Variants in AMZ2 observed in about 807,000 individuals in gnomAD.
AMZ2 encodes archaemetzincin-2.
AMZ2 carries 26 observed loss-of-function variants against 36.7 expected under a neutral mutation model. The ratio of observed to expected loss-of-function variants is 0.71; its 90% confidence interval spans 0.52 to 0.98. AMZ2 has a LOEUF of 0.98. Among genes scored for constraint, AMZ2 ranks in the 50% least tolerant of loss-of-function variants. AMZ2 has a pLI of 0.00. For missense variants in AMZ2, 394 were observed against 430.5 expected (o/e 0.92, Z 0.75); for synonymous variants, 144 against 149.1 (o/e 0.97, Z 0.25).
upstream of AMZ2, chr17:68,246,768 T>C (rs2074032578): frequency 6.6e-6 from 1 of 152,152 alleles, no homozygotes; most frequent in Non-Finnish European, 1.5e-5. Flanking sequence ...AGTTGAAAGG[T>C]TCAGAGTTAA....
At chr17:68,227,764 G>A (rs555561458) in intron 1 of AMZ2, among the ~76,000 whole-genome samples, 10 of 152,308 alleles carry the variant, frequency 6.6e-5, no homozygotes, top group African/African-American at 2.2e-4. Context: ...TGCTTTGGGA[G>A]GCTGAGGTGG....
chr17:68,232,740 G>A (rs1555731593), intron 1 of AMZ2, among the ~76,000 whole-genome samples: 1 of 152,148 alleles, frequency 6.6e-6, no homozygotes, highest in African/African-American at 2.4e-5. Context: ...CTACTTGGGA[G>A]GCTGAGGCAC....
At chr17:68,216,443 C>T (rs2073196820) in intron 1 of AMZ2, among the ~76,000 whole-genome samples, 1 of 152,206 alleles carries the variant, frequency 6.6e-6, no homozygotes, top group African/African-American at 2.4e-5. Context: ...CTTGCAGGCA[C>T]TATTTTTGTC....
chr17:68,242,900 C>G (rs373097451), intron 1 of AMZ2, among the ~76,000 whole-genome samples: 2 of 151,868 alleles, frequency 1.3e-5, no homozygotes, highest in African/African-American at 4.8e-5. Context: ...AAACATTAGC[C>G]AGGTGTGATG....
chr17:68,227,452 C>A (rs1176211772), intron 1 of AMZ2, among the ~76,000 whole-genome samples: 1 of 152,208 alleles, frequency 6.6e-6, no homozygotes, highest in African/African-American at 2.4e-5. Flanking sequence ...TAGATTAAGA[C>A]AACAGAAATC....
At chr17:68,253,343 T>C (rs1265524041) in intron 4 of AMZ2, among the ~76,000 whole-genome samples, 2 of 152,190 alleles carry the variant, frequency 1.3e-5, no homozygotes, top group African/African-American at 2.4e-5. Context: ...TTTATTACTT[T>C]AAAAACTGAA....
At chr17:68,242,401 A>G (rs1241302509) in intron 1 of AMZ2, among the ~76,000 whole-genome samples, 1 of 152,090 alleles carries the variant, frequency 6.6e-6, no homozygotes, top group Non-Finnish European at 1.5e-5. Flanking sequence ...AATCAAAACC[A>G]CCAAATATCT....
intron 1 of AMZ2, among the ~76,000 whole-genome samples, chr17:68,224,903 C>T (rs1414917354): frequency 6.6e-6 from 1 of 151,670 alleles, no homozygotes. Context: ...CCAGGCTGGG[C>T]GTGGTGGCTC....
At chr17:68,248,038 G>A (rs1218280929), upstream of AMZ2, 16 of 986,356 alleles carry the variant, frequency 1.6e-5, no homozygotes, top group Non-Finnish European at 1.9e-5. Context: ...GGCGTGGCGT[G>A]GCGCAGTGCG....
At chr17:68,207,966 C>T (rs1555724820) in intron 1 of AMZ2, among the ~76,000 whole-genome samples, 1 of 151,918 alleles carries the variant, frequency 6.6e-6, no homozygotes, top group Non-Finnish European at 1.5e-5. Context: ...CGGCAGGCCC[C>T]GCCGGCCATG....
chr17:68,253,379 T>C (rs1435281823), intron 4 of AMZ2, among the ~76,000 whole-genome samples: 1 of 152,220 alleles, frequency 6.6e-6, no homozygotes, highest in African/African-American at 2.4e-5. Flanking sequence ...AAAGTGATCA[T>C]GTAAACAAGT....
chr17:68,237,319 C>A (rs1555732839), intron 1 of AMZ2, among the ~76,000 whole-genome samples: 1 of 150,338 alleles, frequency 6.7e-6, no homozygotes, highest in Non-Finnish European at 1.5e-5. Context: ...AAGGACCAGG[C>A]ATGGTTTTGT....
At chr17:68,246,607 CAAACTT>C (rs1280543114), upstream of AMZ2, 2 of 152,156 alleles carry the variant, frequency 1.3e-5, no homozygotes, top group Non-Finnish European at 2.9e-5. Context: ...TTCTCAACTT[CAAACTT>C]TGAGAACAGT....
intron 1 of AMZ2, among the ~76,000 whole-genome samples, chr17:68,217,410 G>A (rs2073227264): frequency 6.6e-6 from 1 of 152,122 alleles, no homozygotes; most frequent in South Asian, 2.1e-4. Flanking sequence ...ATAATAAAGT[G>A]CACAGATTTT....
chr17:68,234,044 A>G (rs1235074247), intron 1 of AMZ2, among the ~76,000 whole-genome samples: 2 of 152,160 alleles, frequency 1.3e-5, no homozygotes, highest in African/African-American at 4.8e-5. Flanking sequence ...AACAAGAACA[A>G]GTAGCATTCG....
chr17:68,211,820 G>GTATATATGTATATGTATA (rs1176516792), intron 1 of AMZ2, among the ~76,000 whole-genome samples: 6 of 126,150 alleles, frequency 4.8e-5, no homozygotes, highest in Non-Finnish European at 1.0e-4. Context: ...ATATGTATGT[G>GTATATATGTATATGTATA]TATGTATATG....
intron 1 of AMZ2, among the ~76,000 whole-genome samples, chr17:68,223,934 G>T (rs2073438298): frequency 6.6e-6 from 1 of 150,880 alleles, no homozygotes; most frequent in South Asian, 2.1e-4. Context: ...CTGTCGCCCA[G>T]GCTGGAGTGC....
intron 4 of AMZ2, among the ~76,000 whole-genome samples, chr17:68,252,802 G>A (rs2074583658): frequency 6.6e-6 from 1 of 152,062 alleles, no homozygotes; most frequent in African/African-American, 2.4e-5. Context: ...TTGATTACAG[G>A]TGTGAGTCAC....
intron 1 of AMZ2, among the ~76,000 whole-genome samples, chr17:68,209,632 ATTTTTTTTTTTTTT>A (rs1224207690): frequency 1.1e-5 from 1 of 90,700 alleles, no homozygotes; most frequent in African/African-American, 5.0e-5. Flanking sequence ...ATATATATAT[ATTTTTTTTTTTTTT>A]TATACAGAGT....
Sources: gnomAD v4.1 joint callset for allele counts (sites outside exome capture counted in the v4.1 genomes callset) on GRCh38, gnomAD v4.1.1 for gene constraint, MANE v1.5 for transcripts, NCBI Gene and HGNC (gene_info 2026-07-23, HGNC 2026-07-21) for gene names.